Variants in WASF1 observed in about 807,000 individuals in gnomAD.
The protein encoded by WASF1 is WASP family member 1.
A neutral mutation model predicts 50.5 loss-of-function variants in WASF1; 7 were observed. That is an observed-to-expected ratio of 0.14 (90% CI 0.08 to 0.26). The LOEUF (loss-of-function observed/expected upper bound fraction) is 0.26. Ranked by LOEUF, WASF1 falls within the 10% of genes least tolerant of loss-of-function variation. The pLI is 1.00. For synonymous variants in WASF1, 205 were observed against 244.0 expected (o/e 0.84, Z 1.49); for missense variants, 470 against 694.7 (o/e 0.68, Z 3.64).
At chr6:110,136,408 T>C (rs956076710) in intron 3 of WASF1, among the ~76,000 whole-genome samples, 4 of 152,224 alleles carry the variant, frequency 2.6e-5, no homozygotes, top group African/African-American at 9.6e-5. Flanking sequence ...TCTACGTATG[T>C]CCATTAGTTA....
chr6:110,128,798 G>A (rs978781233), intron 3 of WASF1, among the ~76,000 whole-genome samples: 3 of 152,198 alleles, frequency 2.0e-5, no homozygotes, highest in African/African-American at 7.2e-5. Flanking sequence ...GGCGGTAGGT[G>A]AGCAAGCATT....
intron 3 of WASF1, among the ~76,000 whole-genome samples, chr6:110,136,484 A>G (rs544792342): frequency 1.3e-5 from 2 of 152,334 alleles, no homozygotes; most frequent in East Asian, 3.9e-4. Context: ...TATCAGAGAG[A>G]CATGTTAAGA....
chr6:110,118,391 A>G (rs1773914492), intron 4 of WASF1, among the ~76,000 whole-genome samples: 1 of 147,080 alleles, frequency 6.8e-6, no homozygotes, highest in African/African-American at 2.5e-5. Context: ...AGGGTTTGCA[A>G]TCCTAGTCTC....
At chr6:110,139,579 CT>C (rs1355402075) in intron 3 of WASF1, among the ~76,000 whole-genome samples, 1 of 152,176 alleles carries the variant, frequency 6.6e-6, no homozygotes, top group African/African-American at 2.4e-5. Flanking sequence ...GATTCTGATT[CT>C]TTCAATTATC....
chr6:110,141,897 G>A (rs529496796), intron 3 of WASF1, among the ~76,000 whole-genome samples: 1 of 151,914 alleles, frequency 6.6e-6, no homozygotes, highest in South Asian at 2.1e-4. Flanking sequence ...TCAGACTCCT[G>A]AGTAGCTGGG....
intron 5 of WASF1, among the ~76,000 whole-genome samples, chr6:110,109,842 G>A (rs1773482343): frequency 1.3e-5 from 2 of 151,746 alleles, no homozygotes; most frequent in South Asian, 2.1e-4. Flanking sequence ...TTACAGGTGT[G>A]AGCCACCACA....
At chr6:110,115,920 G>A (rs138993531) in intron 4 of WASF1, among the ~76,000 whole-genome samples, 43 of 152,288 alleles carry the variant, frequency 2.8e-4, no homozygotes, top group African/African-American at 9.9e-4. Flanking sequence ...GGGATGAAGC[G>A]TGGCAAGGTA....
intron 6 of WASF1, among the ~76,000 whole-genome samples, chr6:110,107,635 CATTCTAACAGTCACATTTAT>C (rs1367783354): frequency 8.5e-5 from 13 of 152,256 alleles, no homozygotes; most frequent in African/African-American, 2.9e-4. Flanking sequence ...ATGTAATAGT[CATTCTAACAGTCACATTTAT>C]ATCTAATTAT....
rs374479573 is a variant in WASF1 at position 110,103,397 on chromosome 6, G to A, written c.874C>T (p.Pro292Ser). 4 of 1,613,162 alleles carry A rather than the reference G, an allele frequency of 2.5e-6. No individual in the cohort carries two copies. The highest frequency in any genetic ancestry group is 3.4e-6 in the Non-Finnish European group (4 of 1,179,498). ...ACATACCTGATACAGGTGGGTATCG[G>A]TTTTGCATCTCCTGCTCCATGCATT... ...PPMHGAGDAK[P>S]IPTCISSATG... The change falls in exon 9 of 11, where the codon CCG (proline) becomes TCG (serine). Residue 292 changes from proline (P) to serine (S), a missense_variant. This residue lies in a region of WASF1 where 294 missense variants were observed against 343.5 expected (regional missense o/e 0.86). Coordinates refer to ENST00000392589, the MANE Select transcript of WASF1 (RefSeq NM_003931.3).
At chr6:110,129,501 G>A (rs566269919) in intron 3 of WASF1, among the ~76,000 whole-genome samples, 2 of 152,236 alleles carry the variant, frequency 1.3e-5, no homozygotes, top group Non-Finnish European at 2.9e-5. Context: ...CAAAAAGAAG[G>A]AATATGTTCC....
rs549360706 is a variant in WASF1 at position 110,136,193 on chromosome 6, C to T, written c.-28-8564G>A. On this transcript the variant is annotated intron_variant, in intron 3 of 10. Transcript: ENST00000392589. ...GCCACTGCGCCCAGCCAAAATGGTC[C>T]GTTATCTTAATGTAATGTCCTTGAA... is the stretch of plus-strand genomic sequence containing the variant. Among the ~76,000 whole-genome samples, 40 of 152,068 alleles carry T rather than the reference C, an allele frequency of 2.6e-4. No individual in the cohort carries two copies. The South Asian group carries it at 7.9e-3, about 30-fold the overall frequency.
chr6:110,127,501 A>G lies in WASF1; in HGVS notation c.101T>C (p.Leu34Ser). 6.2e-7 allele frequency: 1 copy of G among 1,604,020 alleles called. No individual in the cohort carries two copies. The highest frequency in any genetic ancestry group is 8.5e-7 in the Non-Finnish European group (1 of 1,175,594). The change falls in exon 4 of 11, where the codon TTG (leucine) becomes TCG (serine). Residue 34 changes from leucine to serine, a missense_variant. Leu to Ser is a moderately radical substitution (Grantham distance 145). Coordinates refer to ENST00000392589, the MANE Select transcript of WASF1 (RefSeq NM_003931.3). ...NELECVTNISLANIIRQLSSL... is the reference protein window; with the variant it reads ...NELECVTNISSANIIRQLSSL... The stretch of plus-strand genomic sequence containing the variant: ...ACTTAGTTGTCTAATTATATTTGCC[A>G]AGGAAATATTGGTTACACATTCCAG...
chr6:110,124,786 T>G (rs1195746782), intron 4 of WASF1, among the ~76,000 whole-genome samples: 1 of 152,174 alleles, frequency 6.6e-6, no homozygotes, highest in African/African-American at 2.4e-5. Flanking sequence ...GGCACTCGCC[T>G]GTAATCCCAG....
At chr6:110,173,534 TG>T (rs1388450557) in intron 2 of WASF1, among the ~76,000 whole-genome samples, 2 of 152,294 alleles carry the variant, frequency 1.3e-5, no homozygotes, top group African/African-American at 4.8e-5. Flanking sequence ...GCAAATTACT[TG>T]ATCTATGAGA....
chr6:110,136,169 C>A (rs571527638), intron 3 of WASF1, among the ~76,000 whole-genome samples: 24 of 152,082 alleles, frequency 1.6e-4, no homozygotes, highest in Non-Finnish European at 2.9e-4. Flanking sequence ...CAGGCATGAG[C>A]CACTGCGCCC....
At chr6:110,113,298 G>T in intron 5 of WASF1, 28 bp downstream of exon 5, 1 of 1,490,672 alleles carries the variant, frequency 6.7e-7, no homozygotes, top group Non-Finnish European at 8.9e-7. Context: ...TATATACGTA[G>T]AAGAAAATAC....
At chr6:110,131,067 T>A (rs909398569) in intron 3 of WASF1, among the ~76,000 whole-genome samples, 1 of 152,222 alleles carries the variant, frequency 6.6e-6, no homozygotes. Flanking sequence ...ACACTAGATA[T>A]GAGCCATTTG....
chr6:110,163,792 C>T (rs1776359539), intron 2 of WASF1, among the ~76,000 whole-genome samples: 1 of 151,486 alleles, frequency 6.6e-6, no homozygotes, highest in Admixed American at 6.6e-5. Flanking sequence ...TATTGAAGGA[C>T]TGACACTATG....
chr6:110,122,887 C>T (rs1774202436), intron 4 of WASF1, among the ~76,000 whole-genome samples: 1 of 152,024 alleles, frequency 6.6e-6, no homozygotes, highest in Admixed American at 6.6e-5. Context: ...TACCCCTACA[C>T]TGTTCAAGGG....
Sources: allele counts gnomAD v4.1 joint callset (sites outside exome capture counted in the v4.1 genomes callset), GRCh38; gene constraint gnomAD v4.1.1; regional missense constraint gnomAD v4.1.1; transcripts MANE v1.5; gene names NCBI Gene and HGNC (gene_info 2026-07-23, HGNC 2026-07-21).